The following DGKH variants were observed in gnomAD, a reference collection of about 807,000 sequenced individuals.
DGKH encodes the protein diacylglycerol kinase eta, also known as DAG kinase eta.
Under a neutral mutation model 159.3 loss-of-function variants are expected in DGKH, and 90 were observed. That is an observed-to-expected ratio of 0.57 (90% CI 0.48 to 0.67). The LOEUF is 0.67. Among genes scored for constraint, DGKH ranks in the 30% least tolerant of loss-of-function variants. The pLI is 0.00. For synonymous variants in DGKH, 536 were observed against 553.8 expected (o/e 0.97, Z 0.45); for missense variants, 1,181 against 1,506.1 (o/e 0.78, Z 3.57).
chr13:42,215,167 TTTAA>T (rs1474065891), intron 25 of DGKH, among the ~76,000 whole-genome samples: 2 of 152,078 alleles, frequency 1.3e-5, no homozygotes, highest in African/African-American at 2.4e-5. Flanking sequence ...CGTTTTTTTT[TTTAA>T]TTATTTGATT....
At chr13:42,194,409 A>G (rs1452970682) in intron 16 of DGKH, among the ~76,000 whole-genome samples, 1 of 152,224 alleles carries the variant, frequency 6.6e-6, no homozygotes, top group African/African-American at 2.4e-5. Context: ...CTGGGATTAC[A>G]GGCATGAGCC....
intron 1 of DGKH, among the ~76,000 whole-genome samples, chr13:42,060,687 G>C (rs1180854231): frequency 6.6e-6 from 1 of 152,180 alleles, no homozygotes; most frequent in East Asian, 1.9e-4. Flanking sequence ...GTGTATGAAA[G>C]AGACACATCC....
chr13:42,218,010 G>A (rs1481329915), intron 26 of DGKH, among the ~76,000 whole-genome samples: 2 of 152,140 alleles, frequency 1.3e-5, no homozygotes, highest in Non-Finnish European at 2.9e-5. Context: ...CTTCCAGCCT[G>A]GGCAACAGAA....
chr13:42,186,342 C>G (rs538568554), intron 13 of DGKH, among the ~76,000 whole-genome samples: 130 of 152,214 alleles, frequency 8.5e-4, no homozygotes, highest in Non-Finnish European at 1.3e-3. Context: ...AGATCCAAAG[C>G]CTTTCAAAAG....
chr13:42,186,983 T>G (rs1956946576), intron 13 of DGKH, 66 bp from the exon 14 acceptor site: 1 of 1,344,780 alleles, frequency 7.4e-7, no homozygotes, highest in Admixed American at 1.8e-5. Context: ...TTTTTAAATA[T>G]ATTCATAAAT....
chr13:42,165,492 T>G (rs1414936083), intron 8 of DGKH, 59 bp downstream of exon 8: 18 of 913,158 alleles, frequency 2.0e-5, no homozygotes, highest in Non-Finnish European at 2.5e-5. Context: ...GATATGTATA[T>G]TTCTTTTCCT....
At chr13:42,245,221 G>T (rs2138333509), downstream of DGKH, among the ~76,000 whole-genome samples, 1 of 152,268 alleles carries the variant, frequency 6.6e-6, no homozygotes, top group Non-Finnish European at 1.5e-5. Context: ...CATAAAATGA[G>T]ATCTCCTTTG....
intron 1 of DGKH, chr13:42,070,384 T>G: frequency 7.0e-7 from 1 of 1,421,360 alleles, no homozygotes. Context: ...TTCAAGTTCA[T>G]GTGCACCTGC....
chr13:42,087,869 A>G (rs1954338314), intron 1 of DGKH, among the ~76,000 whole-genome samples: 1 of 151,984 alleles, frequency 6.6e-6, no homozygotes, highest in African/African-American at 2.4e-5. Flanking sequence ...AATGGCCACA[A>G]TTTCCCTAAA....
intron 18 of DGKH, 46 bp downstream of exon 18, chr13:42,198,641 T>G (rs1957268835): frequency 2.8e-6 from 4 of 1,432,268 alleles, no homozygotes; most frequent in Non-Finnish European, 2.9e-6. Context: ...TTTTCTTGTT[T>G]TTTTTTTTTT....
intron 1 of DGKH, among the ~76,000 whole-genome samples, chr13:42,114,753 ATTTAGAAAAC>A (rs1954933830): frequency 6.6e-6 from 1 of 152,218 alleles, no homozygotes; most frequent in Admixed American, 6.5e-5. Flanking sequence ...TATGCTTAAG[ATTTAGAAAAC>A]TTTAGACATT....
At chr13:42,160,762 G>T (rs1186807258) in intron 7 of DGKH, among the ~76,000 whole-genome samples, 1 of 152,206 alleles carries the variant, frequency 6.6e-6, no homozygotes, top group Non-Finnish European at 1.5e-5. Flanking sequence ...TTGCACTGGG[G>T]CTGACTTATT....
At chr13:42,217,904 T>G (rs1957843841) in intron 26 of DGKH, among the ~76,000 whole-genome samples, 2 of 152,080 alleles carry the variant, frequency 1.3e-5, no homozygotes. Flanking sequence ...CCTGGTGGCA[T>G]GCGCCTGTAA....
intron 3 of DGKH, among the ~76,000 whole-genome samples, chr13:42,144,027 A>G (rs545685270): frequency 6.6e-6 from 1 of 152,230 alleles, no homozygotes; most frequent in Non-Finnish European, 1.5e-5. Context: ...AATTCCCACT[A>G]TAAATATCTG....
At chr13:42,067,379 A>G (rs1427843851) in intron 1 of DGKH, among the ~76,000 whole-genome samples, 8 of 152,196 alleles carry the variant, frequency 5.3e-5, no homozygotes. Flanking sequence ...AAAAATAGAT[A>G]CTAGTTTATG....
chr13:42,211,445 C>G (rs999878343), intron 24 of DGKH, among the ~76,000 whole-genome samples: 15 of 152,176 alleles, frequency 9.9e-5, no homozygotes, highest in African/African-American at 3.4e-4. Context: ...TGCCTGTAAT[C>G]CCAACACTTT....
At chr13:42,074,863 A>C (rs926652147) in intron 1 of DGKH, among the ~76,000 whole-genome samples, 1 of 152,196 alleles carries the variant, frequency 6.6e-6, no homozygotes, top group Non-Finnish European at 1.5e-5. Context: ...TTAGCAAAAC[A>C]GTTTTTGGAA....
At chr13:42,209,213 T>C (rs1481502365) in intron 22 of DGKH, 118 bp from the exon 23 acceptor site, 1 of 1,414,374 alleles carries the variant, frequency 7.1e-7, no homozygotes, top group Non-Finnish European at 9.6e-7. Flanking sequence ...ATGTCATTTA[T>C]AAGTGATAAA....
chr13:42,083,039 A>G (rs376191486), intron 1 of DGKH, among the ~76,000 whole-genome samples: 4 of 152,248 alleles, frequency 2.6e-5, no homozygotes, highest in African/African-American at 9.6e-5. Flanking sequence ...GAAAAAAGCT[A>G]GAAAATCCAA....
Sources: allele counts gnomAD v4.1 joint callset (sites outside exome capture counted in the v4.1 genomes callset), GRCh38; gene constraint gnomAD v4.1.1; transcripts MANE v1.5; gene names NCBI Gene and HGNC (gene_info 2026-07-23, HGNC 2026-07-21).